AZIN2: variants seen among roughly 807,000 people sequenced by gnomAD.
AZIN2 encodes antizyme inhibitor 2.
In AZIN2, 28 loss-of-function variants were observed where a neutral mutation model predicts 47.8. That is an observed-to-expected ratio of 0.59 (90% confidence interval 0.43 to 0.80). AZIN2 has a LOEUF of 0.80. AZIN2 is among the 30% of genes least tolerant of loss of function. The probability of loss-of-function intolerance (pLI) is 0.00; values close to 1 mark genes in which losing one functional copy is unlikely to be tolerated. For missense variants in AZIN2, 535 were observed against 582.5 expected (o/e 0.92, Z 0.84); for synonymous variants, 221 against 239.4 (o/e 0.92, Z 0.71).
At chr1:33,156,115 C>A in the AZIN2 span, among the ~76,000 whole-genome samples, 2 of 152,198 alleles carry the variant, frequency 1.3e-5, no homozygotes, top group African/African-American at 4.8e-5. Flanking sequence ...TGCAGCAGAT[C>A]GCAGTCAAGG....
At chr1:33,125,005 G>C (rs1380704145), downstream of AZIN2, among the ~76,000 whole-genome samples, 1 of 152,206 alleles carries the variant, frequency 6.6e-6, no homozygotes, top group African/African-American at 2.4e-5. Flanking sequence ...CTTTATAGCA[G>C]CATGATTTAT....
At chr1:33,124,098 G>A (rs368281570), downstream of AZIN2, among the ~76,000 whole-genome samples, 2 of 152,102 alleles carry the variant, frequency 1.3e-5, no homozygotes, top group Non-Finnish European at 2.9e-5. The surrounding 1 kb of genome is among the most constrained non-coding windows in gnomAD (Gnocchi z 4.6). Flanking sequence ...CCTGGGAGGC[G>A]GAGGTTGCAT....
intron 10 of AZIN2, chr1:33,101,909 A>G: frequency 1.3e-6 from 1 of 778,350 alleles, no homozygotes; most frequent in South Asian, 1.3e-5. Context: ...TTTGGTGAGT[A>G]TGCTGCAGTT....
chr1:33,153,057 A>AGAGGGGGGGGGGGGGGGGGGGG, the AZIN2 span, among the ~76,000 whole-genome samples: 1 of 66,174 alleles, frequency 1.5e-5, no homozygotes, highest in African/African-American at 6.1e-5. Flanking sequence ...GAGGTGGGGG[A>AGAGGGGGGGGGGGGGGGGGGGG]GGGTGGAAGT....
chr1:33,149,997 G>A, the AZIN2 span, among the ~76,000 whole-genome samples: 1 of 152,192 alleles, frequency 6.6e-6, no homozygotes, highest in East Asian at 1.9e-4. Context: ...GCATCACCTG[G>A]CTCTGGGCTG....
the AZIN2 span, among the ~76,000 whole-genome samples, chr1:33,128,497 G>A: frequency 6.6e-6 from 1 of 152,236 alleles, no homozygotes; most frequent in African/African-American, 2.4e-5. Flanking sequence ...TACGTATGAA[G>A]TAACTTGTCT....
the AZIN2 span, chr1:33,145,872 A>G: frequency 2.1e-6 from 1 of 471,140 alleles, no homozygotes; most frequent in Non-Finnish European, 4.4e-6. Context: ...GGGAAATGAC[A>G]TTTCCCAGAC....
At chr1:33,157,316 C>T in the AZIN2 span, among the ~76,000 whole-genome samples, 1 of 152,158 alleles carries the variant, frequency 6.6e-6, no homozygotes, top group Non-Finnish European at 1.5e-5. Context: ...GAGATGTGCT[C>T]CTGCCTCAGG....
At chr1:33,148,250 G>A in the AZIN2 span, among the ~76,000 whole-genome samples, 4 of 152,136 alleles carry the variant, frequency 2.6e-5, no homozygotes, top group African/African-American at 9.7e-5. Flanking sequence ...TGATTTTCAC[G>A]TGTCCCAGCA....
chr1:33,103,270 G>T (rs935197241), intron 10 of AZIN2, among the ~76,000 whole-genome samples: 5 of 152,056 alleles, frequency 3.3e-5, no homozygotes, highest in Non-Finnish European at 5.9e-5. Flanking sequence ...AACGAGCAAG[G>T]CTCCTGCCAT....
At chr1:33,103,586 T>C (rs1643867531) in intron 10 of AZIN2, among the ~76,000 whole-genome samples, 1 of 152,226 alleles carries the variant, frequency 6.6e-6, no homozygotes, top group African/African-American at 2.4e-5. Flanking sequence ...CAACCCATCG[T>C]AATCTGTTAA....
chr1:33,164,369 C>G, the AZIN2 span: 1 of 152,460 alleles, frequency 6.6e-6, no homozygotes, highest in African/African-American at 2.4e-5. Flanking sequence ...CGGGGTCAGC[C>G]TGAAATCACC....
chr1:33,158,426 AG>A, the AZIN2 span: 5 of 1,485,428 alleles, frequency 3.4e-6, no homozygotes, highest in Non-Finnish European at 3.8e-6. Context: ...CCCCAATGCC[AG>A]GGGCCCCGCA....
chr1:33,114,447 G>A (rs1393355137), intron 10 of AZIN2, among the ~76,000 whole-genome samples: 1 of 147,240 alleles, frequency 6.8e-6, no homozygotes, highest in South Asian at 2.2e-4. Flanking sequence ...TCCACCTTCC[G>A]GGTTCACGCC....
At chr1:33,097,578 C>A (rs1007925695) in intron 9 of AZIN2, among the ~76,000 whole-genome samples, 1 of 152,140 alleles carries the variant, frequency 6.6e-6, no homozygotes, top group Non-Finnish European at 1.5e-5. Flanking sequence ...TGCGCTTTTC[C>A]CCAGAGAGAA....
At chr1:33,098,291 G>C in intron 10 of AZIN2, 112 bp downstream of exon 10, 2 of 758,246 alleles carry the variant, frequency 2.6e-6, no homozygotes, top group Non-Finnish European at 4.1e-6. Context: ...GTCGATAATA[G>C]ACAACAAGGA....
the AZIN2 span, among the ~76,000 whole-genome samples, chr1:33,141,575 C>T: frequency 2.0e-5 from 3 of 152,192 alleles, no homozygotes; most frequent in Admixed American, 6.5e-5. Flanking sequence ...ATGCCAGCTT[C>T]CTGAAAGCCC....
rs754993821 is a variant in AZIN2, at chr1:33,123,252, T to C, written c.*3070T>C. 2.0e-5 allele frequency among the ~76,000 whole-genome samples: 3 copies of C among 152,206 alleles called. No homozygotes were observed. Among genetic ancestry groups the C allele is most frequent in the Non-Finnish European group, 4.4e-5 (3 of 68,040 alleles). On this transcript the variant is annotated 3_prime_UTR_variant, in exon 12 of 12. Coordinates refer to ENST00000294517, the MANE Select transcript of AZIN2 (RefSeq NM_052998.4). ...TCTTAACTAGTTTTCTTTTTCTTCA[T>C]AGTACCTACCACCACTCAACATACT...
intron 11 of AZIN2, chr1:33,119,174 C>G (rs532353221): frequency 3.9e-5 from 6 of 152,920 alleles, no homozygotes; most frequent in Admixed American, 3.9e-4. Context: ...GGGGAGAGGA[C>G]ATGTGTAAGA....
Sources: allele counts gnomAD v4.1 joint callset (sites outside exome capture counted in the v4.1 genomes callset), GRCh38; gene constraint gnomAD v4.1.1; non-coding constraint Gnocchi (gnomAD v3.1); transcripts MANE v1.5; gene names NCBI Gene and HGNC (gene_info 2026-07-23, HGNC 2026-07-21).